Variants in CDH12 observed in about 807,000 individuals in gnomAD.
The protein encoded by CDH12 is cadherin 12.
CDH12 carries 41 observed loss-of-function variants against 74.1 expected under a neutral mutation model. The ratio of observed to expected loss-of-function variants is 0.55; its 90% CI spans 0.43 to 0.72. The LOEUF (loss-of-function observed/expected upper bound fraction) is 0.72, where lower values mean the gene tolerates loss of function less well. Ranked by LOEUF, CDH12 falls within the 30% of genes least tolerant of loss-of-function variation. The pLI is 0.00. For missense variants in CDH12, 945 were observed against 977.2 expected, an observed-to-expected ratio of 0.97 and a Z score of 0.44; for synonymous variants, 399 against 355.0, an observed-to-expected ratio of 1.12 and a Z score of -1.39.
At chr5:22,118,220 C>T (rs977448616) in intron 4 of CDH12, among the ~76,000 whole-genome samples, 2 of 152,168 alleles carry the variant, frequency 1.3e-5, no homozygotes, top group African/African-American at 4.8e-5. Context: ...TTAATGATTG[C>T]TATTCATGTG....
chr5:21,872,909 C>CTATCTATCTATCTATCTATT (rs1751718159), intron 6 of CDH12, among the ~76,000 whole-genome samples: 1 of 151,766 alleles, frequency 6.6e-6, no homozygotes, highest in Non-Finnish European at 1.5e-5. Flanking sequence ...ATCTATCTAT[C>CTATCTATCTATCTATCTATT]TATCTATCTA....
At chr5:21,868,819 G>A (rs1751467944) in intron 6 of CDH12, among the ~76,000 whole-genome samples, 1 of 152,150 alleles carries the variant, frequency 6.6e-6, no homozygotes, top group African/African-American at 2.4e-5. Flanking sequence ...CTTTGGAGTT[G>A]ATGTTGGAAC....
At chr5:22,771,858 T>G (rs1438476230) in intron 1 of CDH12, among the ~76,000 whole-genome samples, 1 of 152,118 alleles carries the variant, frequency 6.6e-6, no homozygotes, top group East Asian at 1.9e-4. Flanking sequence ...ACTTTTGACC[T>G]GCCAACCTTT....
At chr5:22,487,222 G>A (rs1250192774) in intron 2 of CDH12, among the ~76,000 whole-genome samples, 5 of 151,412 alleles carry the variant, frequency 3.3e-5, no homozygotes, top group East Asian at 3.9e-4. Flanking sequence ...AGCTGATTTC[G>A]AACTCCTGAC....
chr5:22,541,382 C>T (rs1021485822), intron 1 of CDH12, among the ~76,000 whole-genome samples: 3 of 152,170 alleles, frequency 2.0e-5, no homozygotes, highest in South Asian at 2.1e-4. Flanking sequence ...AGCTCTCATG[C>T]CTAAAATAGA....
chr5:21,754,981 T>C (rs1744303888), intron 14 of CDH12, among the ~76,000 whole-genome samples: 1 of 152,218 alleles, frequency 6.6e-6, no homozygotes, highest in Non-Finnish European at 1.5e-5. Context: ...CCAGATATTT[T>C]AGTCTGTTCT....
At chr5:22,520,461 C>T (rs1443314620) in intron 1 of CDH12, among the ~76,000 whole-genome samples, 1 of 151,952 alleles carries the variant, frequency 6.6e-6, no homozygotes, top group South Asian at 2.1e-4. Context: ...ATTCAAGTAA[C>T]CTAAAGAACA....
chr5:22,098,819 T>C (rs1743960468), intron 4 of CDH12, among the ~76,000 whole-genome samples: 1 of 152,166 alleles, frequency 6.6e-6, no homozygotes, highest in African/African-American at 2.4e-5. Flanking sequence ...TATGGCTTGA[T>C]TTATTGATAG....
intron 10 of CDH12, among the ~76,000 whole-genome samples, chr5:21,797,275 A>G (rs1269831254): frequency 6.6e-6 from 1 of 152,050 alleles, no homozygotes; most frequent in Non-Finnish European, 1.5e-5. Context: ...TTGCACAATA[A>G]CTCTGTGAAA....
chr5:22,654,602 T>G (rs938838519), intron 1 of CDH12, among the ~76,000 whole-genome samples: 28 of 149,870 alleles, frequency 1.9e-4, no homozygotes, highest in African/African-American at 6.6e-4. Context: ...GATGTATTCT[T>G]TCTAGATTTT....
At chr5:22,014,871 A>G (rs1737512173) in intron 5 of CDH12, among the ~76,000 whole-genome samples, 1 of 152,242 alleles carries the variant, frequency 6.6e-6, no homozygotes, top group South Asian at 2.1e-4. Context: ...AGCCGAAAAA[A>G]TAATAATTAT....
At chr5:21,853,598 T>G (rs531268540) in intron 7 of CDH12, among the ~76,000 whole-genome samples, 1 of 151,756 alleles carries the variant, frequency 6.6e-6, no homozygotes, top group Non-Finnish European at 1.5e-5. Context: ...AGACCTTAAG[T>G]TTCCAGGCAA....
At chr5:22,451,922 G>T (rs568839643) in intron 2 of CDH12, among the ~76,000 whole-genome samples, 119 of 151,792 alleles carry the variant, frequency 7.8e-4, no homozygotes, top group Admixed American at 2.2e-3. Flanking sequence ...TAGAATTTTT[G>T]AATATTACCA....
intron 6 of CDH12, among the ~76,000 whole-genome samples, chr5:21,912,834 G>C (rs1021863171): frequency 6.6e-6 from 1 of 152,058 alleles, no homozygotes; most frequent in African/African-American, 2.4e-5. Context: ...GGGAAAAAGG[G>C]TGCTGGTTTC....
chr5:22,124,742 G>A lies in CDH12; in HGVS notation c.-186-45880C>T, dbSNP rs535076860. 3.9e-5 allele frequency among the ~76,000 whole-genome samples: 6 copies of A among 152,158 alleles called. No homozygotes were observed. In the South Asian group the frequency reaches 1.2e-3, roughly 32 times the overall value. On this transcript the variant is annotated intron_variant, in intron 4 of 14. Transcript: ENST00000382254. ...TTTCCCTGGATCTGATCTTCACATG[G>A]GTGAGGATCTTTGAATGTATGGAGG...
chr5:22,684,174 T>G (rs773700321), intron 1 of CDH12, among the ~76,000 whole-genome samples: 21 of 152,272 alleles, frequency 1.4e-4, no homozygotes, highest in Admixed American at 5.9e-4. Flanking sequence ...TTTCCTAATT[T>G]TTGAGGGTAC....
At chr5:22,764,428 A>T (rs1251622911) in intron 1 of CDH12, among the ~76,000 whole-genome samples, 1 of 151,974 alleles carries the variant, frequency 6.6e-6, no homozygotes, top group Non-Finnish European at 1.5e-5. Flanking sequence ...ATATAAATTC[A>T]TACTTGATTA....
chr5:21,821,800 T>C (rs1302914550), intron 8 of CDH12, among the ~76,000 whole-genome samples: 1 of 151,962 alleles, frequency 6.6e-6, no homozygotes, highest in Non-Finnish European at 1.5e-5. Context: ...GATTCAGTAA[T>C]TGAATTCAAA....
chr5:21,969,763 T>C (rs1756754805), intron 6 of CDH12, among the ~76,000 whole-genome samples: 2 of 152,132 alleles, frequency 1.3e-5, no homozygotes, highest in African/African-American at 4.8e-5. Context: ...AATAGATAAG[T>C]TATATACAAC....
Sources: gnomAD v4.1 joint callset for allele counts (sites outside exome capture counted in the v4.1 genomes callset) on GRCh38, gnomAD v4.1.1 for gene constraint, MANE v1.5 for transcripts, NCBI Gene and HGNC (gene_info 2026-07-23, HGNC 2026-07-21) for gene names.